The following NGEF variants were observed in gnomAD, a reference collection of about 807,000 sequenced individuals.
The protein encoded by NGEF is neuronal guanine nucleotide exchange factor.
A neutral mutation model predicts 80.9 loss-of-function variants in NGEF; 31 were observed. That is an observed-to-expected ratio of 0.38 (90% CI 0.29 to 0.52). The LOEUF (loss-of-function observed/expected upper bound fraction) is 0.52. Ranked by LOEUF, NGEF falls within the 20% of genes least tolerant of loss-of-function variation. NGEF has a pLI of 0.84. For synonymous variants in NGEF, 371 were observed against 370.2 expected, an observed-to-expected ratio of 1.00 and a Z score of -0.03; for missense variants, 709 against 926.2, an observed-to-expected ratio of 0.77 and a Z score of 3.04.
chr2:232,940,539 G>A (rs914598395), intron 3 of NGEF, among the ~76,000 whole-genome samples: 1 of 151,942 alleles, frequency 6.6e-6, no homozygotes, highest in African/African-American at 2.4e-5. Context: ...AAAAAAATGA[G>A]CAGCGAGGAT....
In NGEF at chr2:232,941,025, A is replaced by C. The variant is rs1693427940; in HGVS notation, c.384-13839T>G. ...GAGACCAGAGTTTTATTACTACTCAAATCAGTCTCCTGGAGCATTCAGGGA... is the reference window on the plus strand; with the variant it reads ...GAGACCAGAGTTTTATTACTACTCACATCAGTCTCCTGGAGCATTCAGGGA... On this transcript the variant is annotated intron_variant, in intron 3 of 14. Transcript: ENST00000264051. Among the ~76,000 whole-genome samples, 5 of 152,290 alleles carry C rather than the reference A, an allele frequency of 3.3e-5. No homozygotes were observed. In the South Asian group the frequency reaches 1.0e-3, roughly 32 times the overall value.
At chr2:232,941,476 G>A (rs1294630728) in intron 3 of NGEF, among the ~76,000 whole-genome samples, 3 of 152,198 alleles carry the variant, frequency 2.0e-5, no homozygotes, top group Admixed American at 6.5e-5. Context: ...TTCAGCCTAC[G>A]CCCAGGAATG....
intron 5 of NGEF, among the ~76,000 whole-genome samples, chr2:232,913,657 A>G (rs1692734953): frequency 6.6e-6 from 1 of 152,128 alleles, no homozygotes; most frequent in Admixed American, 6.6e-5. Context: ...GCGGTGACTC[A>G]CACCTGTAAT....
chr2:232,965,542 C>A (rs1694040228), intron 3 of NGEF, among the ~76,000 whole-genome samples: 1 of 152,078 alleles, frequency 6.6e-6, no homozygotes, highest in Admixed American at 6.6e-5. Flanking sequence ...GGTGAGGACC[C>A]CGGGAGTCTC....
intron 1 of NGEF, among the ~76,000 whole-genome samples, chr2:233,003,218 C>T (rs1339044420): frequency 6.6e-6 from 1 of 152,194 alleles, no homozygotes; most frequent in African/African-American, 2.4e-5. Flanking sequence ...TTTGGGGCCT[C>T]CCCACCCCAA....
At chr2:232,955,771 G>A (rs148718985) in intron 3 of NGEF, among the ~76,000 whole-genome samples, 1,836 of 152,172 alleles carry the variant, frequency 0.012, 25 homozygotes, top group African/African-American at 0.027. Flanking sequence ...CACTCGCCTC[G>A]GCCTCCCACA....
At chr2:232,965,206 G>T (rs1397073032) in intron 3 of NGEF, among the ~76,000 whole-genome samples, 1 of 152,094 alleles carries the variant, frequency 6.6e-6, no homozygotes, top group Non-Finnish European at 1.5e-5. Flanking sequence ...TGTTGTTGCC[G>T]TTGCTGTTGG....
Position 232,882,177 on chromosome 2 carries a change from G to T in NGEF, c.1837+9C>A. 6.2e-7 allele frequency: 1 copy of T among 1,613,076 alleles called. No homozygotes were observed. ...ACAAATGGCGCCCCCTTACCCACCG[G>T]TGACTTACCCAGCAGCCGGGATGTG... On this transcript the variant is annotated intron_variant, in intron 13 of 14. Transcript: ENST00000264051.
At chr2:232,948,876 G>A (rs932484051) in intron 3 of NGEF, among the ~76,000 whole-genome samples, 1 of 152,014 alleles carries the variant, frequency 6.6e-6, no homozygotes, top group African/African-American at 2.4e-5. Flanking sequence ...AAATTAGCCA[G>A]GCGTGGTGGT....
intron 1 of NGEF, among the ~76,000 whole-genome samples, chr2:232,980,601 T>A: frequency 6.6e-6 from 1 of 152,054 alleles, no homozygotes; most frequent in Non-Finnish European, 1.5e-5. Flanking sequence ...TGGGTTCAAA[T>A]GATTCTTCTG....
In NGEF at chr2:232,892,968, C is replaced by T. The variant is rs923626488; in HGVS notation, c.1072G>A (p.Asp358Asn). 1.5e-5 allele frequency: 24 copies of T among 1,613,598 alleles called. No homozygotes were observed. Among genetic ancestry groups the T allele is most frequent in the Non-Finnish European group, 1.8e-5 (21 of 1,179,932 alleles). Reference protein sequence around the residue: ...VCDIVYRYAADHFSVYITYVS... With the variant: ...VCDIVYRYAANHFSVYITYVS... ...TAGGTGATGTAGACAGAGAAGTGGTCGGCCGCATAACGGTACACAATGTCA... is the reference window on the plus strand; with the variant it reads ...TAGGTGATGTAGACAGAGAAGTGGTTGGCCGCATAACGGTACACAATGTCA... Residue 358 changes from aspartate to asparagine, a missense_variant, in exon 7 of 15, where the codon GAC becomes AAC. This residue lies in a region of NGEF where 426 missense variants were observed against 622.9 expected (regional missense o/e 0.68). Transcript: ENST00000264051. This position sits in a 1 kb window ranked among gnomAD's most constrained non-coding sequence, Gnocchi z 4.0.
chr2:232,962,868 A>T (rs1042336890), intron 3 of NGEF, among the ~76,000 whole-genome samples: 5 of 151,962 alleles, frequency 3.3e-5, no homozygotes, highest in Non-Finnish European at 5.9e-5. Context: ...TAATTTTTTT[A>T]AAAAATTGAC....
intron 1 of NGEF, among the ~76,000 whole-genome samples, chr2:232,989,990 T>G (rs1287405538): frequency 2.0e-5 from 3 of 152,160 alleles, no homozygotes; most frequent in African/African-American, 7.2e-5. Flanking sequence ...ATGGTAATGG[T>G]GAAAAATCAG....
chr2:232,921,889 C>T (rs901282527), intron 4 of NGEF, among the ~76,000 whole-genome samples: 1 of 152,158 alleles, frequency 6.6e-6, no homozygotes, highest in African/African-American at 2.4e-5. Flanking sequence ...AAGCCAAGTG[C>T]CTGATTCGGG....
rs1559239205 is a variant in NGEF at position 232,995,015 on chromosome 2, A to ATATGTATACTGTATATATGTACAG, written c.-75+18029_-75+18052dup. On this transcript the variant is annotated intron_variant, in intron 1 of 14. Transcript: ENST00000264051. ...AACTACACATATATGTATAATACAT[A>ATATGTATACTGTATATATGTACAG]TATGTATACTGTATATATGTACAGT... is the stretch of plus-strand genomic sequence containing the variant. 1.9e-4 allele frequency among the ~76,000 whole-genome samples: 6 copies of ATATGTATACTGTATATATGTACAG among 32,262 alleles called. 3 individuals carry two copies. The highest frequency in any genetic ancestry group is 3.9e-4 in the Non-Finnish European group (4 of 10,172). The allele number at this position is 32,262 out of a possible 152,430, so 21.2% of individuals were successfully genotyped here.
chr2:233,011,701 C>A (rs1194549579), intron 1 of NGEF, among the ~76,000 whole-genome samples: 1 of 152,172 alleles, frequency 6.6e-6, no homozygotes, highest in East Asian at 1.9e-4. Context: ...AGCCCTCCTG[C>A]CTCTGCCTCC....
At chr2:232,887,950 A>T (rs1257837921) in intron 9 of NGEF, 83 bp downstream of exon 9, 9 of 1,016,502 alleles carry the variant, frequency 8.9e-6, no homozygotes, top group Admixed American at 5.2e-5. Flanking sequence ...ACACACGGAC[A>T]TGTGGGGAGC....
intron 3 of NGEF, among the ~76,000 whole-genome samples, chr2:232,932,159 C>CTTTT (rs1387986980): frequency 3.3e-5 from 3 of 91,836 alleles, no homozygotes; most frequent in South Asian, 3.1e-4. Flanking sequence ...CCAGAATCAC[C>CTTTT]TTTCTTTTTT....
chr2:232,995,749 A>T lies in NGEF; in HGVS notation c.-75+17319T>A, dbSNP rs1389175591. Among the ~76,000 whole-genome samples, 7 of 146,398 alleles carry T rather than the reference A, an allele frequency of 4.8e-5. No individual in the cohort carries two copies. In the East Asian group the frequency reaches 1.4e-3, roughly 29 times the overall value. On this transcript the variant is annotated intron_variant, in intron 1 of 14. Coordinates refer to ENST00000264051, the MANE Select transcript of NGEF (RefSeq NM_019850.3). ...TATTATACATATACATATGCACAATATGTATATGTATTATATGTATTCATA... is the reference window on the plus strand; with the variant it reads ...TATTATACATATACATATGCACAATTTGTATATGTATTATATGTATTCATA...
Sources: allele counts gnomAD v4.1 joint callset (sites outside exome capture counted in the v4.1 genomes callset), GRCh38; gene constraint gnomAD v4.1.1; regional missense constraint gnomAD v4.1.1; non-coding constraint Gnocchi (gnomAD v3.1); transcripts MANE v1.5; gene names NCBI Gene and HGNC (gene_info 2026-07-23, HGNC 2026-07-21).